The following IL16 variants were observed in gnomAD, a reference collection of about 807,000 sequenced individuals.
The protein encoded by IL16 is pro-interleukin-16.
In IL16, 67 loss-of-function variants were observed where a neutral mutation model predicts 110.1. That is an observed-to-expected ratio of 0.61 (90% CI 0.50 to 0.75). The LOEUF is 0.75. Among genes scored for constraint, IL16 ranks in the 30% least tolerant of loss-of-function variants. IL16 has a pLI of 0.00. For synonymous variants in IL16, 689 were observed against 662.9 expected, an observed-to-expected ratio of 1.04 and a Z score of -0.61; for missense variants, 1,545 against 1,655.0, an observed-to-expected ratio of 0.93 and a Z score of 1.15.
intron 12 of IL16, 151 bp downstream of exon 12, chr15:81,293,188 C>T (rs1458317298): frequency 4.4e-5 from 37 of 848,306 alleles, no homozygotes; most frequent in East Asian, 1.6e-4. Flanking sequence ...CAGCTGAGGA[C>T]TGACCATGAA....
intron 1 of IL16, among the ~76,000 whole-genome samples, chr15:81,218,929 A>T (rs1896524455): frequency 6.9e-6 from 1 of 144,128 alleles, no homozygotes; most frequent in South Asian, 2.4e-4. Flanking sequence ...TTTTTTGAGT[A>T]ACAATTTTTT....
intron 1 of IL16, among the ~76,000 whole-genome samples, chr15:81,216,277 G>A (rs1402889699): frequency 1.3e-5 from 2 of 152,188 alleles, no homozygotes; most frequent in East Asian, 1.9e-4. Flanking sequence ...CCACGTCCTT[G>A]TGTGATGCAG....
intron 10 of IL16, among the ~76,000 whole-genome samples, chr15:81,287,205 T>C (rs535133729): frequency 6.6e-6 from 1 of 152,162 alleles, no homozygotes; most frequent in African/African-American, 2.4e-5. Flanking sequence ...GAACCGAAGA[T>C]ATCTCGAATA....
At chr15:81,236,375 C>T (rs1035595755) in intron 2 of IL16, among the ~76,000 whole-genome samples, 17 of 152,132 alleles carry the variant, frequency 1.1e-4, no homozygotes, top group Non-Finnish European at 1.9e-4. Context: ...AAGCTTAGGG[C>T]TCCATGACTC....
intron 8 of IL16, 63 bp from the exon 9 acceptor site, chr15:81,282,576 A>G (rs1318407738): frequency 8.2e-7 from 1 of 1,216,724 alleles, no homozygotes; most frequent in African/African-American, 1.5e-5. Flanking sequence ...CACCCAATCG[A>G]CGAGTAGGCC....
intron 16 of IL16, among the ~76,000 whole-genome samples, chr15:81,304,520 A>G (rs1900453062): frequency 6.6e-6 from 1 of 152,188 alleles, no homozygotes; most frequent in African/African-American, 2.4e-5. Flanking sequence ...GTGTTTGAGC[A>G]TTTCTCTTCC....
chr15:81,226,604 A>C (rs1896796200), intron 2 of IL16, among the ~76,000 whole-genome samples: 1 of 152,228 alleles, frequency 6.6e-6, no homozygotes, highest in African/African-American at 2.4e-5. Context: ...TGCCTTCTTC[A>C]GGAGGGAAAT....
chr15:81,259,833 TC>T lies in IL16; in HGVS notation c.376del (p.Leu126CysfsTer29), dbSNP rs1192091470. 10 of 1,613,904 alleles carry T rather than the reference TC, an allele frequency of 6.2e-6. No individual in the cohort carries two copies. The African/African-American group carries it at 1.1e-4, about 17-fold the overall frequency. On this transcript the variant is annotated frameshift_variant, in exon 3 of 19. Transcript: ENST00000683961. LOFTEE classifies it high-confidence loss of function. Reference sequence around the variant, plus strand: ...AAACTAGAAGCACAAAGTAGTAACTTCCTGTTTCCTAAAGCCTGCCACCAAA... The same window carrying T: ...AAACTAGAAGCACAAAGTAGTAACTTCTGTTTCCTAAAGCCTGCCACCAAA... ...PGKLEAQSSN[F>X]LFPKACHQRA...
intron 6 of IL16, among the ~76,000 whole-genome samples, chr15:81,276,614 C>T (rs907443465): frequency 5.9e-5 from 9 of 152,222 alleles, no homozygotes; most frequent in African/African-American, 2.2e-4. Context: ...AAAAACATCT[C>T]TCACCAAAAA....
At chr15:81,219,546 C>T (rs567378853) in intron 1 of IL16, among the ~76,000 whole-genome samples, 1 of 152,254 alleles carries the variant, frequency 6.6e-6, no homozygotes, top group African/African-American at 2.4e-5. Flanking sequence ...ACCTGATGCC[C>T]CGCTCATGCC....
chr15:81,191,151 T>G (rs889196267), intron 1 of IL16, among the ~76,000 whole-genome samples: 2 of 152,224 alleles, frequency 1.3e-5, no homozygotes, highest in Non-Finnish European at 2.9e-5. Flanking sequence ...CTCTGAGTAC[T>G]TTTTATTTGT....
At chr15:81,231,322 C>CTG (rs1184771213) in intron 2 of IL16, among the ~76,000 whole-genome samples, 1 of 141,046 alleles carries the variant, frequency 7.1e-6, no homozygotes, top group Non-Finnish European at 1.5e-5. Flanking sequence ...CAAGGTCGGT[C>CTG]TGTCTCTCTC....
At chr15:81,188,869 C>T (rs1409745838) in intron 1 of IL16, among the ~76,000 whole-genome samples, 1 of 152,254 alleles carries the variant, frequency 6.6e-6, no homozygotes, top group East Asian at 1.9e-4. Flanking sequence ...TGGCACAGCC[C>T]CTGGCAGCAA....
At chr15:81,241,242 C>T (rs1195542854) in intron 2 of IL16, among the ~76,000 whole-genome samples, 1 of 151,918 alleles carries the variant, frequency 6.6e-6, no homozygotes, top group Admixed American at 6.6e-5. Context: ...GAAAGTATCT[C>T]CTTCCTAGTG....
At chr15:81,213,435 T>A (rs1383002937) in intron 1 of IL16, among the ~76,000 whole-genome samples, 1 of 152,172 alleles carries the variant, frequency 6.6e-6, no homozygotes, top group African/African-American at 2.4e-5. Flanking sequence ...AAGTCCAGAG[T>A]GTCTTCGTTG....
intron 7 of IL16, 81 bp from the exon 8 acceptor site, chr15:81,279,473 CACAG>C (rs1899068386): frequency 1.1e-6 from 1 of 874,308 alleles, no homozygotes. Context: ...CATACACACA[CACAG>C]AGGTGTGTTT....
In IL16 at chr15:81,306,079, C is replaced by T; in HGVS notation, c.3592C>T (p.Leu1198=). Residue 1198 remains leucine, a synonymous_variant, in exon 17 of 19, where the codon CTG becomes TTG. Transcript: ENST00000683961. ...PRQAVIVTRK[L]TPEAMPDLNS... is the part of the protein sequence containing the mutation. ...GCAAGCTGTGATTGTCACAAGGAAGCTGACTCCAGAGGCCATGCCCGACCT... is the reference window on the plus strand; with the variant it reads ...GCAAGCTGTGATTGTCACAAGGAAGTTGACTCCAGAGGCCATGCCCGACCT... The T allele has an allele frequency of 6.2e-7, 1 of 1,614,206 alleles. No individual in the cohort carries two copies.
chr15:81,245,453 C>T (rs1420430768), intron 2 of IL16, among the ~76,000 whole-genome samples: 1 of 151,448 alleles, frequency 6.6e-6, no homozygotes, highest in African/African-American at 2.4e-5. Context: ...AGATGTTTTA[C>T]ACTAAGGCTG....
At chr15:81,184,468 CA>C (rs1895389500) in intron 1 of IL16, among the ~76,000 whole-genome samples, 1 of 152,172 alleles carries the variant, frequency 6.6e-6, no homozygotes, top group Admixed American at 6.5e-5. Context: ...TGTATCCCTG[CA>C]GTGACCAGTC....
Sources: gnomAD v4.1 joint callset for allele counts (sites outside exome capture counted in the v4.1 genomes callset) on GRCh38, gnomAD v4.1.1 for gene constraint, MANE v1.5 for transcripts, NCBI Gene and HGNC (gene_info 2026-07-23, HGNC 2026-07-21) for gene names.